Variants in TMEM245 observed in about 807,000 individuals in gnomAD.
The protein encoded by TMEM245 is transmembrane protein 245.
Under a neutral mutation model 101.2 loss-of-function variants are expected in TMEM245, and 69 were observed. The observed-to-expected ratio is 0.68, with a 90% CI of 0.56 to 0.83. The LOEUF (loss-of-function observed/expected upper bound fraction) is 0.83. Among genes scored for constraint, TMEM245 ranks in the 40% least tolerant of loss-of-function variants. TMEM245 has a pLI of 0.00. For synonymous variants in TMEM245, 537 were observed against 449.8 expected (o/e 1.19, Z -2.45); for missense variants, 1,075 against 1,092.8 (o/e 0.98, Z 0.23).
intron 2 of TMEM245, among the ~76,000 whole-genome samples, chr9:109,108,136 T>G (rs1830474969): frequency 6.6e-6 from 1 of 152,188 alleles, no homozygotes; most frequent in Non-Finnish European, 1.5e-5. Context: ...TGAGCACCTC[T>G]TATCGTTGAC....
At chr9:109,021,507 GTTTGT>G (rs1178222761) in intron 17 of TMEM245, among the ~76,000 whole-genome samples, 2 of 99,066 alleles carry the variant, frequency 2.0e-5, no homozygotes, top group Non-Finnish European at 4.4e-5. Context: ...TTGTTTGTTT[GTTTGT>G]TTTGTTTTGT....
chr9:109,084,501 A>T (rs890321017), intron 7 of TMEM245, among the ~76,000 whole-genome samples: 4 of 152,206 alleles, frequency 2.6e-5, no homozygotes, highest in Non-Finnish European at 5.9e-5. Flanking sequence ...AGGTTAAATC[A>T]AATTTAATCC....
chr9:109,116,267 G>T (rs1028576818), intron 1 of TMEM245, among the ~76,000 whole-genome samples: 6 of 152,206 alleles, frequency 3.9e-5, no homozygotes, highest in Non-Finnish European at 7.3e-5. Flanking sequence ...AGCCCTGCTT[G>T]GGCTCATAAA....
intron 17 of TMEM245, among the ~76,000 whole-genome samples, chr9:109,027,991 T>A (rs1247657876): frequency 6.6e-6 from 1 of 151,894 alleles, no homozygotes; most frequent in East Asian, 2.0e-4. Context: ...CATGTCTCAT[T>A]CTTAACATGA....
intron 10 of TMEM245, among the ~76,000 whole-genome samples, chr9:109,062,180 A>AT (rs763351731): frequency 6.6e-6 from 1 of 151,740 alleles, no homozygotes; most frequent in Non-Finnish European, 1.5e-5. Flanking sequence ...TAATTTTCTT[A>AT]TTTTTTGTAG....
rs751437111 is a variant in TMEM245, at chr9:109,119,930, C to T, written c.-17G>A. 4.7e-6 allele frequency: 6 copies of T among 1,289,666 alleles called. No individual in the cohort carries two copies. Among genetic ancestry groups the T allele is most frequent in the Non-Finnish European group, 5.9e-6 (6 of 1,022,698 alleles). 79.9% of individuals were successfully genotyped at this position (1,289,666 alleles called of 1,614,324 possible). On this transcript the variant is annotated 5_prime_UTR_variant, in exon 1 of 18. Coordinates refer to ENST00000374586, the MANE Select transcript of TMEM245 (RefSeq NM_032012.4). ...GTCGGCCATCGTTCCTCCGCCACAG[C>T]CGCCCCCGAGGGGCGGTAATGGGAG...
intron 10 of TMEM245, among the ~76,000 whole-genome samples, chr9:109,062,625 G>A (rs963195474): frequency 1.3e-5 from 2 of 152,146 alleles, no homozygotes; most frequent in Admixed American, 1.3e-4. Flanking sequence ...GTTCATATTT[G>A]TTCCTTTATA....
chr9:109,048,299 A>G (rs1828561783), intron 14 of TMEM245, among the ~76,000 whole-genome samples: 1 of 152,212 alleles, frequency 6.6e-6, no homozygotes, highest in African/African-American at 2.4e-5. Context: ...AGTTCTACAG[A>G]CATTGTATTT....
intron 1 of TMEM245, among the ~76,000 whole-genome samples, chr9:109,113,940 A>C (rs1216448819): frequency 6.6e-6 from 1 of 152,032 alleles, no homozygotes; most frequent in Admixed American, 6.6e-5. Context: ...AAACACAAAA[A>C]ATTAGCCGGG....
intron 2 of TMEM245, 136 bp downstream of exon 2, chr9:109,108,317 C>A: frequency 4.6e-6 from 2 of 433,892 alleles, no homozygotes; most frequent in South Asian, 6.6e-5. Flanking sequence ...AAGATTAAAG[C>A]ATAACATTTT....
intron 14 of TMEM245, among the ~76,000 whole-genome samples, chr9:109,049,997 G>A (rs747881585): frequency 6.6e-6 from 1 of 152,116 alleles, no homozygotes; most frequent in Non-Finnish European, 1.5e-5. Context: ...TCACTATGTT[G>A]TCCAGGCTGA....
At chr9:109,051,342 C>A (rs1356927839) in intron 12 of TMEM245, among the ~76,000 whole-genome samples, 1 of 101,876 alleles carries the variant, frequency 9.8e-6, no homozygotes, top group Admixed American at 8.8e-5. Context: ...ACACACACAT[C>A]ATTGTAGATT....
At chr9:109,021,641 A>G (rs1372476159) in intron 17 of TMEM245, among the ~76,000 whole-genome samples, 1 of 152,112 alleles carries the variant, frequency 6.6e-6, no homozygotes, top group African/African-American at 2.4e-5. Flanking sequence ...CAGCCTCCTG[A>G]GTAGCTGGGA....
chr9:109,060,276 T>C, intron 11 of TMEM245, 78 bp downstream of exon 11: 1 of 1,041,830 alleles, frequency 9.6e-7, no homozygotes. Context: ...CCACTGTGAA[T>C]ATAATCCTAT....
chr9:109,089,905 A>T (rs1564200748), intron 5 of TMEM245, among the ~76,000 whole-genome samples: 2 of 152,236 alleles, frequency 1.3e-5, no homozygotes. Context: ...CTCAAAGCCT[A>T]CATTTCCTTT....
At position 109,117,643 on chromosome 9, in the gene TMEM245, G is replaced by A. The variant is rs1830760465; in HGVS notation, c.579+1692C>T. On this transcript the variant is annotated intron_variant, in intron 1 of 17. Coordinates refer to ENST00000374586, the MANE Select transcript of TMEM245 (RefSeq NM_032012.4). The stretch of plus-strand genomic sequence containing the variant: ...TTCCACTGAGTATCTGAGAGAGACT[G>A]GTAGAAATGCCTCATAATCATGCCA... 2.0e-5 allele frequency among the ~76,000 whole-genome samples: 3 copies of A among 152,150 alleles called. No homozygotes were observed. In the South Asian group the frequency reaches 6.2e-4, roughly 31 times the overall value.
chr9:109,093,548 A>G lies in TMEM245; in HGVS notation c.843T>C (p.Thr281=), dbSNP rs1830063360. The part of the protein sequence containing the change: ...PGQVISMAAS[T]LANLAISITG... ...TGATAGAGATGGCCAAGTTTGCCAGAGTAGAAGCTGCCATGGAGATAACCT... is the reference window on the plus strand; with the variant it reads ...TGATAGAGATGGCCAAGTTTGCCAGGGTAGAAGCTGCCATGGAGATAACCT... The change falls in exon 4 of 18, where the codon ACT becomes ACC. Residue 281 remains threonine, a synonymous_variant. Transcript: ENST00000374586. The G allele has an allele frequency of 6.2e-7, 1 of 1,614,180 alleles. No individual in the cohort carries two copies. The highest frequency in any genetic ancestry group is 1.1e-5 in the South Asian group (1 of 91,076).
At chr9:109,027,102 C>G (rs957148617) in intron 17 of TMEM245, among the ~76,000 whole-genome samples, 1 of 152,086 alleles carries the variant, frequency 6.6e-6, no homozygotes, top group African/African-American at 2.4e-5. Flanking sequence ...GATCTTAAAC[C>G]AGTAGTGAGA....
rs1012009337 is a variant in TMEM245 at position 109,057,453 on chromosome 9, A to G, written c.1723-131T>C. 16 of 1,097,152 alleles carry G rather than the reference A, an allele frequency of 1.5e-5. 1 individual carries two copies. The highest frequency in any genetic ancestry group is 1.6e-5 in the Non-Finnish European group (13 of 795,846). The allele number at this position is 1,097,152 out of a possible 1,614,324, so 68.0% of individuals were successfully genotyped here. A position where few individuals can be genotyped will look rare whatever the true frequency, so the allele number is the denominator to read the frequency against. Reference sequence around the variant, plus strand: ...ACTCCAAGGAAAAGAACTTTGCATTATTTAAGAAATCAGCTAAGGCCGGGT... The same window carrying G: ...ACTCCAAGGAAAAGAACTTTGCATTGTTTAAGAAATCAGCTAAGGCCGGGT... On this transcript the variant is annotated intron_variant, in intron 11 of 17. Transcript: ENST00000374586.
Sources: allele counts gnomAD v4.1 joint callset (sites outside exome capture counted in the v4.1 genomes callset), GRCh38; gene constraint gnomAD v4.1.1; transcripts MANE v1.5; gene names NCBI Gene and HGNC (gene_info 2026-07-23, HGNC 2026-07-21).